The following SLC35B3 variants were observed in gnomAD, a reference collection of about 807,000 sequenced individuals.
The protein encoded by SLC35B3 is adenosine 3'-phospho 5'-phosphosulfate transporter 2.
A neutral mutation model predicts 44.1 loss-of-function variants in SLC35B3; 35 were observed. The observed-to-expected ratio is 0.79, with a 90% confidence interval of 0.61 to 1.05. The LOEUF is 1.05. Ranked by LOEUF, SLC35B3 falls within the 50% of genes least tolerant of loss-of-function variation. The probability of loss-of-function intolerance (pLI) is 0.00; values close to 1 mark genes in which losing one functional copy is unlikely to be tolerated. For synonymous variants in SLC35B3, 146 were observed against 167.3 expected (o/e 0.87, Z 0.98); for missense variants, 414 against 476.4 (o/e 0.87, Z 1.22).
intron 4 of SLC35B3, among the ~76,000 whole-genome samples, chr6:8,425,126 T>C (rs571944171): frequency 5.3e-5 from 8 of 152,368 alleles, no homozygotes; most frequent in African/African-American, 1.7e-4. Flanking sequence ...GGTCACGTGA[T>C]TTAAAAGTTG....
Position 8,420,691 on chromosome 6 carries a change from A to C in SLC35B3, c.682+30T>G, listed in dbSNP as rs1762810992. 1.3e-6 allele frequency: 2 copies of C among 1,523,698 alleles called. No homozygotes were observed. The highest frequency in any genetic ancestry group is 1.8e-6 in the Non-Finnish European group (2 of 1,108,808). 94.4% of individuals were successfully genotyped at this position (1,523,698 alleles called of 1,614,324 possible). ...TCGTATTCTAAACTAAAAAGCCTAT[A>C]AAAGCTAGGAATATAAATAAATTAC... On this transcript the variant is annotated intron_variant, in intron 6 of 10. Coordinates refer to ENST00000644923, the MANE Select transcript of SLC35B3 (RefSeq NM_001370476.2). The surrounding 1 kb of genome is among the most constrained non-coding windows in gnomAD (Gnocchi z 4.4).
Position 8,433,082 on chromosome 6 carries a change from A to G in SLC35B3, c.3+1303T>C, listed in dbSNP as rs1239712061. ...CTTAAGAATCTTTCCTTTTCCTCAC[A>G]TTCTATATTTTGCCAAGATTCCTGT... On this transcript the variant is annotated intron_variant, in intron 2 of 10. Coordinates refer to ENST00000644923, the MANE Select transcript of SLC35B3 (RefSeq NM_001370476.2). This position sits in a 1 kb window ranked among gnomAD's most constrained non-coding sequence, Gnocchi z 4.1. Among the ~76,000 whole-genome samples, 1 of 152,126 alleles carries G rather than the reference A, an allele frequency of 6.6e-6. No homozygotes were observed. The highest frequency in any genetic ancestry group is 1.5e-5 in the Non-Finnish European group (1 of 68,014).
chr6:8,434,371 T>C lies in SLC35B3; in HGVS notation c.3+14A>G. 6.2e-7 allele frequency: 1 copy of C among 1,611,730 alleles called. No homozygotes were observed. Reference sequence around the variant, plus strand: ...ACTTTGCCACACTCAACGTTACAAATAAAAGAATCTTACCATGCCATTATG... The same window carrying C: ...ACTTTGCCACACTCAACGTTACAAACAAAAGAATCTTACCATGCCATTATG... On this transcript the variant is annotated intron_variant, in intron 2 of 10. Coordinates refer to ENST00000644923, the MANE Select transcript of SLC35B3 (RefSeq NM_001370476.2). This position sits in a 1 kb window ranked among gnomAD's most constrained non-coding sequence, Gnocchi z 6.3.
chr6:8,425,876 T>C (rs1763368340), intron 4 of SLC35B3, among the ~76,000 whole-genome samples: 1 of 152,190 alleles, frequency 6.6e-6, no homozygotes, highest in African/African-American at 2.4e-5. Flanking sequence ...TCCTAACCAC[T>C]TTCTGTTTAT....
rs1046824533 is a variant in SLC35B3 at position 8,432,976 on chromosome 6, A to C, written c.3+1409T>G. Among the ~76,000 whole-genome samples the C allele has an allele frequency of 6.6e-5, 10 of 152,184 alleles. No individual in the cohort carries two copies. The highest frequency in any genetic ancestry group is 5.9e-4 in the Admixed American group (9 of 15,288). ...AAGCTGATTATTTTCCCCTCAAAAC[A>C]AATCTACTGTTTGTTCCTATATTCC... On this transcript the variant is annotated intron_variant, in intron 2 of 10. Coordinates refer to ENST00000644923, the MANE Select transcript of SLC35B3 (RefSeq NM_001370476.2). The surrounding 1 kb of genome is among the most constrained non-coding windows in gnomAD (Gnocchi z 4.8).
chr6:8,428,614 G>T (rs907405593), intron 3 of SLC35B3, among the ~76,000 whole-genome samples: 5 of 152,018 alleles, frequency 3.3e-5, no homozygotes, highest in Non-Finnish European at 7.4e-5. Context: ...AAAAAACTTT[G>T]CATAAACCAA....
chr6:8,428,885 ATTT>A (rs1377349334), intron 3 of SLC35B3, among the ~76,000 whole-genome samples: 1 of 152,144 alleles, frequency 6.6e-6, no homozygotes, highest in Non-Finnish European at 1.5e-5. Context: ...AAATATTAAA[ATTT>A]TTAATTCATT....
chr6:8,422,186 G>T (rs1366086383), intron 5 of SLC35B3, among the ~76,000 whole-genome samples: 1 of 152,042 alleles, frequency 6.6e-6, no homozygotes, highest in African/African-American at 2.4e-5. Flanking sequence ...TGTATTTTTA[G>T]TAGAGACAGG....
intron 4 of SLC35B3, among the ~76,000 whole-genome samples, chr6:8,427,255 G>A (rs1351276175): frequency 6.6e-6 from 1 of 152,128 alleles, no homozygotes; most frequent in Non-Finnish European, 1.5e-5. Context: ...CCAAGACAAT[G>A]GGGAAAATGT....
intron 4 of SLC35B3, among the ~76,000 whole-genome samples, chr6:8,422,860 TAA>T (rs973177463): frequency 7.2e-5 from 11 of 151,872 alleles, no homozygotes; most frequent in African/African-American, 2.2e-4. Context: ...CTCAATTATG[TAA>T]AAAAGAGTTT....
At chr6:8,421,423 A>G (rs1029858264) in intron 5 of SLC35B3, among the ~76,000 whole-genome samples, 4 of 152,218 alleles carry the variant, frequency 2.6e-5, no homozygotes, top group Non-Finnish European at 4.4e-5. Flanking sequence ...ATTGAGGTCA[A>G]TTATTTTTTC....
At chr6:8,427,730 ATTT>A (rs1186572543) in intron 4 of SLC35B3, among the ~76,000 whole-genome samples, 1 of 152,126 alleles carries the variant, frequency 6.6e-6, no homozygotes, top group African/African-American at 2.4e-5. Context: ...TAAAGCTAAT[ATTT>A]TTTTATTTTG....
intron 9 of SLC35B3, 38 bp downstream of exon 8, chr6:8,416,846 T>C: frequency 1.9e-6 from 2 of 1,062,542 alleles, no homozygotes; most frequent in South Asian, 1.5e-5. Flanking sequence ...AAAATGTAAA[T>C]GCTTATTTTA....
At chr6:8,413,894 C>G (rs1762181368) in intron 10 of SLC35B3, among the ~76,000 whole-genome samples, 195 bp from the exon 10 acceptor site, 1 of 152,014 alleles carries the variant, frequency 6.6e-6, no homozygotes, top group Admixed American at 6.6e-5. Context: ...TTTAATAATG[C>G]ATTGAGTAGA....
intron 4 of SLC35B3, among the ~76,000 whole-genome samples, chr6:8,424,939 AG>A (rs1763276892): frequency 1.3e-5 from 2 of 152,262 alleles, no homozygotes; most frequent in African/African-American, 4.8e-5. Flanking sequence ...AGCTAATTAA[AG>A]GTCTAACGAG....
Position 8,434,250 on chromosome 6 carries a change from G to T in SLC35B3, c.3+135C>A. 1.3e-6 allele frequency: 1 copy of T among 740,806 alleles called. No individual in the cohort carries two copies. The highest frequency in any genetic ancestry group is 1.7e-5 in the South Asian group (1 of 57,350). The allele number at this position is 740,806 out of a possible 1,614,324, so 45.9% of individuals were successfully genotyped here. On this transcript the variant is annotated intron_variant, in intron 2 of 10. Transcript: ENST00000644923. This position sits in a 1 kb window ranked among gnomAD's most constrained non-coding sequence, Gnocchi z 6.3. ...ATTTCAGTTTATTTTTGAGTTTTCCGACCTGAAGGACAAAAGTCCCACACC... is the reference window on the plus strand; with the variant it reads ...ATTTCAGTTTATTTTTGAGTTTTCCTACCTGAAGGACAAAAGTCCCACACC...
At chr6:8,417,966 A>G (rs1303183244) in intron 7 of SLC35B3, among the ~76,000 whole-genome samples, 3 of 152,164 alleles carry the variant, frequency 2.0e-5, no homozygotes, top group African/African-American at 7.2e-5. Flanking sequence ...TATGCTTTTC[A>G]TAAACAGAAT....
At chr6:8,417,958 T>C (rs565012715) in intron 7 of SLC35B3, among the ~76,000 whole-genome samples, 1 of 152,286 alleles carries the variant, frequency 6.6e-6, no homozygotes, top group African/African-American at 2.4e-5. Flanking sequence ...CAATTTACTA[T>C]GCTTTTCATA....
At chr6:8,417,108 A>G (rs1267423248) in intron 8 of SLC35B3, 113 bp from the exon 8 acceptor site, 8 of 612,892 alleles carry the variant, frequency 1.3e-5, no homozygotes, top group South Asian at 2.4e-5. Context: ...TTGTTTGACA[A>G]TGCAGTCAAG....
Sources: gnomAD v4.1 joint callset for allele counts (sites outside exome capture counted in the v4.1 genomes callset) on GRCh38, gnomAD v4.1.1 for gene constraint, Gnocchi (gnomAD v3.1) non-coding constraint, MANE v1.5 for transcripts, NCBI Gene and HGNC (gene_info 2026-07-23, HGNC 2026-07-21) for gene names.